Variants in ZNF423 observed in about 807,000 individuals in gnomAD.
ZNF423 encodes the protein Ebf-associated zinc finger protein.
Under a neutral mutation model 95.8 loss-of-function variants are expected in ZNF423, and 12 were observed. That is an observed-to-expected ratio of 0.13 (90% CI 0.08 to 0.20). The LOEUF is 0.20. Ranked by LOEUF, ZNF423 falls within the 10% of genes least tolerant of loss-of-function variation. ZNF423 has a pLI of 1.00. For missense variants in ZNF423, 1,316 were observed against 1,737.1 expected, an observed-to-expected ratio of 0.76 and a Z score of 4.31; for synonymous variants, 749 against 711.9, an observed-to-expected ratio of 1.05 and a Z score of -0.83.
At chr16:49,610,112 G>A (rs1420316250) in intron 5 of ZNF423, among the ~76,000 whole-genome samples, 1 of 152,090 alleles carries the variant, frequency 6.6e-6, no homozygotes, top group East Asian at 1.9e-4. Context: ...CAAGAATCAA[G>A]GGAAAATTGA....
chr16:49,705,149 T>C (rs530037923), intron 3 of ZNF423, among the ~76,000 whole-genome samples: 1 of 152,298 alleles, frequency 6.6e-6, no homozygotes, highest in South Asian at 2.1e-4. Flanking sequence ...AAATACAGGC[T>C]TATCTGGTAC....
intron 1 of ZNF423, among the ~76,000 whole-genome samples, chr16:49,816,041 C>G (rs578058115): frequency 3.3e-4 from 49 of 150,104 alleles, no homozygotes; most frequent in Non-Finnish European, 6.5e-4. Flanking sequence ...GCCTCAGCCT[C>G]CTGGGTAGCT....
chr16:49,652,530 C>T lies in ZNF423; in HGVS notation c.302-13656G>A, dbSNP rs186735288. Reference sequence around the variant, plus strand: ...GAGCTCCGGAAGGTTCTCCTGCCAGCCTCCTGGCGTGGACCTCCTGCGCAC... The same window carrying T: ...GAGCTCCGGAAGGTTCTCCTGCCAGTCTCCTGGCGTGGACCTCCTGCGCAC... On this transcript the variant is annotated intron_variant, in intron 3 of 7. Transcript: ENST00000563137. Among the ~76,000 whole-genome samples the T allele has an allele frequency of 1.8e-3, 269 of 152,290 alleles. 1 individual carries two copies. The highest frequency in any genetic ancestry group is 3.4e-3 in the Middle Eastern group (1 of 292).
intron 5 of ZNF423, among the ~76,000 whole-genome samples, chr16:49,563,986 G>A (rs2151773718): frequency 6.6e-6 from 1 of 152,310 alleles, no homozygotes; most frequent in East Asian, 1.9e-4. Flanking sequence ...ACATAAGACT[G>A]CCACAGTTGA....
chr16:49,697,730 C>T (rs763154262), intron 3 of ZNF423, among the ~76,000 whole-genome samples: 1 of 152,226 alleles, frequency 6.6e-6, no homozygotes, highest in African/African-American at 2.4e-5. Flanking sequence ...TGTGCGTTCA[C>T]GCGTGTTTCT....
intron 3 of ZNF423, among the ~76,000 whole-genome samples, chr16:49,642,334 G>A (rs1037935040): frequency 1.3e-5 from 2 of 152,134 alleles, no homozygotes; most frequent in Admixed American, 6.6e-5. Flanking sequence ...ACCTGGTCCC[G>A]AGGCCCCACA....
At chr16:49,746,865 A>G (rs1426137327) in intron 2 of ZNF423, among the ~76,000 whole-genome samples, 3 of 152,188 alleles carry the variant, frequency 2.0e-5, no homozygotes, top group Non-Finnish European at 4.4e-5. Context: ...GCAGCACCTC[A>G]CGGTGCCCAG....
chr16:49,657,325 A>T (rs1185382505), intron 3 of ZNF423, among the ~76,000 whole-genome samples: 1 of 152,212 alleles, frequency 6.6e-6, no homozygotes, highest in Non-Finnish European at 1.5e-5. Flanking sequence ...GTCTCCAGCC[A>T]TGTGCCAGGT....
intron 3 of ZNF423, among the ~76,000 whole-genome samples, chr16:49,694,329 G>C (rs951447712): frequency 3.9e-5 from 6 of 152,098 alleles, no homozygotes; most frequent in African/African-American, 1.4e-4. Flanking sequence ...GATGTGTGGC[G>C]GGCTGAATGC....
intron 2 of ZNF423, among the ~76,000 whole-genome samples, chr16:49,780,191 CAT>C (rs1286640916): frequency 6.6e-6 from 1 of 152,226 alleles, no homozygotes; most frequent in Admixed American, 6.5e-5. Flanking sequence ...CCAGAGCACA[CAT>C]GTGTACATGT....
At chr16:49,759,276 G>A (rs551192405) in intron 2 of ZNF423, among the ~76,000 whole-genome samples, 1 of 152,202 alleles carries the variant, frequency 6.6e-6, no homozygotes, top group East Asian at 1.9e-4. Flanking sequence ...GTGCACACCT[G>A]TAATTCCAGC....
At chr16:49,663,797 G>C (rs998771780) in intron 3 of ZNF423, among the ~76,000 whole-genome samples, 1 of 152,126 alleles carries the variant, frequency 6.6e-6, no homozygotes, top group African/African-American at 2.4e-5. Context: ...CTAGGAGTCA[G>C]GGTGCACCCC....
At chr16:49,514,111 TC>T (rs1344982284) in intron 7 of ZNF423, among the ~76,000 whole-genome samples, 2 of 151,100 alleles carry the variant, frequency 1.3e-5, no homozygotes, top group African/African-American at 4.9e-5. Context: ...TCCTGGAGGA[TC>T]CCCCAGCTCT....
At chr16:49,512,815 G>T (rs1967953007) in intron 7 of ZNF423, among the ~76,000 whole-genome samples, 1 of 152,204 alleles carries the variant, frequency 6.6e-6, no homozygotes, top group African/African-American at 2.4e-5. Flanking sequence ...ATAATGGGCG[G>T]CTGGGCACGG....
intron 4 of ZNF423, among the ~76,000 whole-genome samples, chr16:49,632,816 C>T (rs1386691976): frequency 2.0e-5 from 3 of 152,192 alleles, no homozygotes; most frequent in African/African-American, 7.2e-5. Context: ...ATGCAGAGCA[C>T]TCCAGGGAGG....
chr16:49,837,426 C>T (rs929174917), intron 1 of ZNF423, among the ~76,000 whole-genome samples: 14 of 152,228 alleles, frequency 9.2e-5, no homozygotes, highest in Admixed American at 9.2e-4. Flanking sequence ...TCTGGAACCA[C>T]ACAGTGCACA....
At chr16:49,601,900 C>T (rs1255781190) in intron 5 of ZNF423, among the ~76,000 whole-genome samples, 1 of 152,216 alleles carries the variant, frequency 6.6e-6, no homozygotes, top group Non-Finnish European at 1.5e-5. Flanking sequence ...CTGAGTCCTC[C>T]TCTTCTCCCT....
At chr16:49,604,735 A>G (rs974510199) in intron 5 of ZNF423, among the ~76,000 whole-genome samples, 2 of 151,974 alleles carry the variant, frequency 1.3e-5, no homozygotes, top group Non-Finnish European at 2.9e-5. Context: ...CCCATCCTCA[A>G]GGCTCAGAAT....
chr16:49,545,720 T>G (rs1052106290), intron 5 of ZNF423, among the ~76,000 whole-genome samples: 49 of 152,158 alleles, frequency 3.2e-4, no homozygotes, highest in African/African-American at 1.2e-3. Flanking sequence ...CAGTTCTGTC[T>G]CCCAAGCAAA....
Sources: allele counts gnomAD v4.1 joint callset (sites outside exome capture counted in the v4.1 genomes callset), GRCh38; gene constraint gnomAD v4.1.1; transcripts MANE v1.5; gene names NCBI Gene and HGNC (gene_info 2026-07-23, HGNC 2026-07-21).